Variants in AK5 observed in about 807,000 individuals in gnomAD.
AK5 encodes the protein adenylate kinase isoenzyme 5.
In AK5, 27 loss-of-function variants were observed where a neutral mutation model predicts 69.5. The ratio of observed to expected loss-of-function variants is 0.39; its 90% CI spans 0.29 to 0.54. The LOEUF is 0.54. Ranked by LOEUF, AK5 falls within the 20% of genes least tolerant of loss-of-function variation. The pLI is 0.71. For missense variants in AK5, 531 were observed against 700.4 expected (o/e 0.76, Z 2.73); for synonymous variants, 260 against 244.4 (o/e 1.06, Z -0.60).
intron 6 of AK5, among the ~76,000 whole-genome samples, chr1:77,400,969 A>G (rs1367693427): frequency 6.8e-6 from 1 of 146,962 alleles, no homozygotes; most frequent in Middle Eastern, 3.3e-3. Flanking sequence ...TGTTCCGCCA[A>G]GCTTGGTTCA....
intron 7 of AK5, among the ~76,000 whole-genome samples, chr1:77,413,127 T>C (rs531759551): frequency 6.6e-6 from 1 of 152,110 alleles, no homozygotes; most frequent in African/African-American, 2.4e-5. Context: ...CCAAATCCTT[T>C]GCTTTCCTGC....
chr1:77,540,116 C>A (rs1659188328), intron 13 of AK5, among the ~76,000 whole-genome samples: 1 of 152,206 alleles, frequency 6.6e-6, no homozygotes, highest in African/African-American at 2.4e-5. Flanking sequence ...CTTTGGCCAC[C>A]AGCTAGCTAA....
chr1:77,538,390 T>C (rs1659089590), intron 13 of AK5, among the ~76,000 whole-genome samples: 2 of 151,124 alleles, frequency 1.3e-5, no homozygotes. Flanking sequence ...AAAAGTGTTT[T>C]TGTTATATAA....
chr1:77,404,607 G>T (rs1020427116), intron 6 of AK5, among the ~76,000 whole-genome samples: 3 of 152,132 alleles, frequency 2.0e-5, no homozygotes, highest in African/African-American at 4.8e-5. Flanking sequence ...TTTGCTAAAA[G>T]AATTAAAAGA....
In AK5 at chr1:77,287,035, A is replaced by T. The variant is rs1428808493; in HGVS notation, c.155A>T (p.Asp52Val). 6.2e-7 allele frequency: 1 copy of T among 1,610,596 alleles called. No individual in the cohort carries two copies. The highest frequency in any genetic ancestry group is 1.7e-5 in the Admixed American group (1 of 59,684). Residue 52 changes from aspartate (D) to valine (V), a missense_variant, in exon 2 of 14, where the codon GAC becomes GTC. Coordinates refer to ENST00000354567, the MANE Select transcript of AK5 (RefSeq NM_174858.3). ...AAAGTAAAGGAACTGGGTGGCTGTGACAAGGTGAAATGGGATACATTTGTA... is the reference window on the plus strand; with the variant it reads ...AAAGTAAAGGAACTGGGTGGCTGTGTCAAGGTGAAATGGGATACATTTGTA... Reference protein sequence around the residue: ...LQKVKELGGCDKVKWDTFVSQ... With the variant: ...LQKVKELGGCVKVKWDTFVSQ...
chr1:77,503,037 T>G (rs757741096), intron 10 of AK5, among the ~76,000 whole-genome samples: 14 of 152,214 alleles, frequency 9.2e-5, no homozygotes, highest in Non-Finnish European at 1.6e-4. Flanking sequence ...CATAGGAAAG[T>G]CTTCCTAAGA....
At chr1:77,336,486 T>C (rs1424951496) in intron 5 of AK5, among the ~76,000 whole-genome samples, 1 of 152,208 alleles carries the variant, frequency 6.6e-6, no homozygotes, top group Non-Finnish European at 1.5e-5. Context: ...ATTTTTAAAC[T>C]TTTTTGTTGT....
At chr1:77,430,933 G>A (rs1406813257) in intron 8 of AK5, among the ~76,000 whole-genome samples, 1 of 152,172 alleles carries the variant, frequency 6.6e-6, no homozygotes, top group Non-Finnish European at 1.5e-5. Flanking sequence ...TTTGTGAAAA[G>A]GAGAATATAC....
Position 77,534,488 on chromosome 1 carries a change from A to G in AK5, c.1429-1359A>G, listed in dbSNP as rs74090629. Among the ~76,000 whole-genome samples, 282 of 152,348 alleles carry G rather than the reference A, an allele frequency of 1.9e-3. 1 individual carries two copies. The highest frequency in any genetic ancestry group is 6.1e-3 in the African/African-American group (252 of 41,586). On this transcript the variant is annotated intron_variant, in intron 12 of 13. Coordinates refer to ENST00000354567, the MANE Select transcript of AK5 (RefSeq NM_174858.3). ...TAAGCCTCATAGAGGAAATAAGCGT[A>G]ACAGTGAATCGTTAGTGAGTGTCTG...
intron 5 of AK5, among the ~76,000 whole-genome samples, chr1:77,301,692 T>C (rs967766154): frequency 2.6e-5 from 4 of 152,224 alleles, no homozygotes; most frequent in Admixed American, 6.5e-5. Flanking sequence ...CTCAGCCACC[T>C]GGAAACTGAA....
At chr1:77,512,896 G>A (rs1209657356) in intron 10 of AK5, among the ~76,000 whole-genome samples, 2 of 152,224 alleles carry the variant, frequency 1.3e-5, no homozygotes, top group African/African-American at 2.4e-5. Flanking sequence ...CTTTTCAAAT[G>A]TAGACTTGAC....
intron 5 of AK5, among the ~76,000 whole-genome samples, chr1:77,333,305 A>T (rs1661183868): frequency 6.6e-6 from 1 of 152,216 alleles, no homozygotes. Flanking sequence ...ACACATGCAC[A>T]GGAGAACCCA....
chr1:77,285,828 A>T (rs1209111229), intron 1 of AK5, among the ~76,000 whole-genome samples: 2 of 152,018 alleles, frequency 1.3e-5, no homozygotes, highest in Non-Finnish European at 2.9e-5. Context: ...TTTGAGTCTC[A>T]GTTAGACTTG....
At chr1:77,304,967 A>T (rs1246915638) in intron 5 of AK5, among the ~76,000 whole-genome samples, 1 of 152,114 alleles carries the variant, frequency 6.6e-6, no homozygotes, top group Non-Finnish European at 1.5e-5. Flanking sequence ...GTGTACGAGG[A>T]TTCCCTTTTC....
At chr1:77,347,224 G>C (rs866817687) in intron 6 of AK5, among the ~76,000 whole-genome samples, 1 of 152,198 alleles carries the variant, frequency 6.6e-6, no homozygotes, top group African/African-American at 2.4e-5. Flanking sequence ...AGTTGCCAGA[G>C]TGTGTTTAAA....
intron 10 of AK5, among the ~76,000 whole-genome samples, chr1:77,491,799 T>C (rs1396894568): frequency 1.3e-5 from 2 of 152,204 alleles, no homozygotes; most frequent in East Asian, 3.9e-4. Context: ...AATGTTATCT[T>C]ATTGAATGCT....
rs533445256 is a variant in AK5, at chr1:77,525,738, C to T, written c.1428+3795C>T. ...ACAAATTCCAAACCATACTAGCATC[C>T]TCATGAAAAATCATTTGACCATATA... is the stretch of plus-strand genomic sequence containing the variant. On this transcript the variant is annotated intron_variant, in intron 12 of 13. Transcript: ENST00000354567. Among the ~76,000 whole-genome samples, 3 of 152,264 alleles carry T rather than the reference C, an allele frequency of 2.0e-5. No individual in the cohort carries two copies. In the South Asian group the frequency reaches 6.2e-4, roughly 32 times the overall value.
At chr1:77,339,876 T>C (rs1439584202) in intron 5 of AK5, among the ~76,000 whole-genome samples, 1 of 151,986 alleles carries the variant, frequency 6.6e-6, no homozygotes, top group Non-Finnish European at 1.5e-5. Context: ...CGCCTCAGCC[T>C]CCCAAAGTGC....
chr1:77,500,514 C>T (rs564177165), intron 10 of AK5, among the ~76,000 whole-genome samples: 20 of 152,252 alleles, frequency 1.3e-4, no homozygotes, highest in African/African-American at 4.6e-4. Context: ...CACGGTGGCT[C>T]ACTCCTGTAA....
Sources: gnomAD v4.1 joint callset for allele counts (sites outside exome capture counted in the v4.1 genomes callset) on GRCh38, gnomAD v4.1.1 for gene constraint, MANE v1.5 for transcripts, NCBI Gene and HGNC (gene_info 2026-07-23, HGNC 2026-07-21) for gene names.